The following BCAS3 variants were observed in gnomAD, a reference collection of about 807,000 sequenced individuals.
BCAS3 encodes BCAS3 microtubule associated cell migration factor.
Under a neutral mutation model 116.1 loss-of-function variants are expected in BCAS3, and 53 were observed. The ratio of observed to expected loss-of-function variants is 0.46; its 90% CI spans 0.37 to 0.57. The LOEUF (loss-of-function observed/expected upper bound fraction) is 0.57, where lower values mean the gene tolerates loss of function less well. Ranked by LOEUF, BCAS3 falls within the 20% of genes least tolerant of loss-of-function variation. The probability of loss-of-function intolerance (pLI) is 0.00; values close to 1 mark genes in which losing one functional copy is unlikely to be tolerated. For synonymous variants in BCAS3, 391 were observed against 408.2 expected (o/e 0.96, Z 0.51); for missense variants, 917 against 1,165.4 (o/e 0.79, Z 3.10).
intron 13 of BCAS3, among the ~76,000 whole-genome samples, chr17:60,935,832 C>A (rs560437957): frequency 6.6e-6 from 1 of 151,632 alleles, no homozygotes; most frequent in East Asian, 1.9e-4. Context: ...CTTTGAGCAC[C>A]CATTTAGCCA....
rs796111045 is a variant in BCAS3 at position 61,269,117 on chromosome 17, C to CT, written c.2426-99196dup. Among the ~76,000 whole-genome samples the CT allele has an allele frequency of 4.3e-3, 599 of 140,276 alleles. 1 individual carries two copies. The highest frequency in any genetic ancestry group is 0.011 in the African/African-American group (419 of 38,476). 92.0% of individuals were successfully genotyped at this position (140,276 alleles called of 152,430 possible). On this transcript the variant is annotated intron_variant, in intron 22 of 23. Coordinates refer to ENST00000407086, the MANE Select transcript of BCAS3 (RefSeq NM_017679.5). ...TCTCTTAGAAATTGTATTTTCTTTT[C>CT]TTTTTTTTTTTTTTGAAATGGAGTT...
chr17:60,739,894 T>TC (rs1478845529), intron 5 of BCAS3, among the ~76,000 whole-genome samples: 15 of 151,828 alleles, frequency 9.9e-5, no homozygotes, highest in African/African-American at 3.6e-4. Flanking sequence ...TTTTTTTTTT[T>TC]CCACACAACA....
intron 22 of BCAS3, among the ~76,000 whole-genome samples, chr17:61,234,919 G>A (rs1167843978): frequency 2.6e-5 from 4 of 151,354 alleles, no homozygotes; most frequent in Admixed American, 1.3e-4. Flanking sequence ...ACGGAGTCTC[G>A]CTCTGTCACC....
At chr17:60,813,176 G>A (rs2048995059) in intron 7 of BCAS3, among the ~76,000 whole-genome samples, 1 of 152,042 alleles carries the variant, frequency 6.6e-6, no homozygotes, top group Non-Finnish European at 1.5e-5. Flanking sequence ...TCATTATGGA[G>A]GGCATTCCTC....
At chr17:60,927,889 T>C (rs2059446086) in intron 13 of BCAS3, among the ~76,000 whole-genome samples, 1 of 152,210 alleles carries the variant, frequency 6.6e-6, no homozygotes, top group Non-Finnish European at 1.5e-5. Context: ...GCCCTTATAC[T>C]ACTTATATTT....
chr17:61,340,056 G>C (rs368837723), intron 22 of BCAS3, among the ~76,000 whole-genome samples: 2 of 152,070 alleles, frequency 1.3e-5, no homozygotes, highest in East Asian at 3.9e-4. Context: ...GTACAGAGAG[G>C]GGGCAAAGCC....
rs193151136 is a variant in BCAS3 at position 61,126,201 on chromosome 17, C to T, written c.2425+41637C>T. On this transcript the variant is annotated intron_variant, in intron 22 of 23. Coordinates refer to ENST00000407086, the MANE Select transcript of BCAS3 (RefSeq NM_017679.5). This position sits in a 1 kb window ranked among gnomAD's most constrained non-coding sequence, Gnocchi z 4.6. ...TTCCAAGGGTGAGAATTTTTCCTTG[C>T]CCGTTGTGAGCAGTTTAATTCATTA... is the stretch of plus-strand genomic sequence containing the variant. 6.6e-6 allele frequency among the ~76,000 whole-genome samples: 1 copy of T among 152,206 alleles called. No individual in the cohort carries two copies. Among genetic ancestry groups the T allele is most frequent in the Admixed American group, 6.5e-5 (1 of 15,288 alleles).
rs550219842 is a variant in BCAS3 at position 60,987,387 on chromosome 17, G to T, written c.1222-2584G>T. ...TCTATTTCTGTAAAGAATGTCATAG[G>T]TATTTTGATAGGGATTGCATTCAAT... is the stretch of plus-strand genomic sequence containing the variant. On this transcript the variant is annotated intron_variant, in intron 14 of 23. Coordinates refer to ENST00000407086, the MANE Select transcript of BCAS3 (RefSeq NM_017679.5). Among the ~76,000 whole-genome samples the T allele has an allele frequency of 1.1e-4, 17 of 151,432 alleles. No homozygotes were observed. The South Asian group carries it at 3.1e-3, about 28-fold the overall frequency.
chr17:61,065,964 T>C lies in BCAS3; in HGVS notation c.2030-8956T>C, dbSNP rs1048835920. The stretch of plus-strand genomic sequence containing the variant: ...GACTCTAAATTTCTATTTCTATATA[T>C]TCAGCCTATTATCATATTTTAAGTT... On this transcript the variant is annotated intron_variant, in intron 19 of 23. Coordinates refer to ENST00000407086, the MANE Select transcript of BCAS3 (RefSeq NM_017679.5). The surrounding 1 kb of genome is among the most constrained non-coding windows in gnomAD (Gnocchi z 4.8). Among the ~76,000 whole-genome samples, 2 of 152,214 alleles carry C rather than the reference T, an allele frequency of 1.3e-5. No individual in the cohort carries two copies. Among genetic ancestry groups the C allele is most frequent in the Non-Finnish European group, 2.9e-5 (2 of 68,026 alleles).
At chr17:60,907,845 A>G (rs1397693938) in intron 11 of BCAS3, among the ~76,000 whole-genome samples, 1 of 152,208 alleles carries the variant, frequency 6.6e-6, no homozygotes, top group Admixed American at 6.5e-5. Context: ...ACTAAAATTA[A>G]TTGGAGAGAC....
At chr17:60,861,131 T>C (rs2054122269) in intron 7 of BCAS3, among the ~76,000 whole-genome samples, 1 of 152,210 alleles carries the variant, frequency 6.6e-6, no homozygotes, top group South Asian at 2.1e-4. Flanking sequence ...GAGCATGGAA[T>C]GTTTTTCCAT....
intron 20 of BCAS3, among the ~76,000 whole-genome samples, chr17:61,075,418 G>A (rs924278564): frequency 7.2e-5 from 11 of 152,088 alleles, no homozygotes; most frequent in African/African-American, 1.9e-4. Flanking sequence ...GGTTTCAAGC[G>A]ATTCTCATGC....
chr17:60,998,472 A>G (rs1043881188), intron 15 of BCAS3, among the ~76,000 whole-genome samples: 1 of 152,210 alleles, frequency 6.6e-6, no homozygotes, highest in South Asian at 2.1e-4. Context: ...CCAACAGTGC[A>G]TAAGTATTCT....
At chr17:60,795,720 C>T (rs1184758570) in intron 6 of BCAS3, among the ~76,000 whole-genome samples, 3 of 152,052 alleles carry the variant, frequency 2.0e-5, no homozygotes, top group South Asian at 2.1e-4. Context: ...GGCGGAGTCT[C>T]GCTGTGTTGC....
At chr17:60,746,325 C>T (rs1410846399) in intron 5 of BCAS3, among the ~76,000 whole-genome samples, 1 of 152,096 alleles carries the variant, frequency 6.6e-6, no homozygotes, top group Non-Finnish European at 1.5e-5. Flanking sequence ...GAAAGCTATT[C>T]TTAACTATAA....
At chr17:60,801,656 T>A (rs1438027858) in intron 6 of BCAS3, among the ~76,000 whole-genome samples, 1 of 152,196 alleles carries the variant, frequency 6.6e-6, no homozygotes, top group Admixed American at 6.5e-5. Flanking sequence ...GAGCAACCAC[T>A]TGAATTCCCG....
rs189409154 is a variant in BCAS3 at position 61,044,800 on chromosome 17, T to C, written c.2029+3908T>C. On this transcript the variant is annotated intron_variant, in intron 19 of 23. Transcript: ENST00000407086. ...CCTTTTTTTTTTTTTTGAGATGGAGTCTTGCTCTGTTGCCAGGCTGGAGTG... is the reference window on the plus strand; with the variant it reads ...CCTTTTTTTTTTTTTTGAGATGGAGCCTTGCTCTGTTGCCAGGCTGGAGTG... Among the ~76,000 whole-genome samples, 841 of 148,500 alleles carry C rather than the reference T, an allele frequency of 5.7e-3. 9 individuals are homozygous for C. The highest frequency in any genetic ancestry group is 6.3e-3 in the Non-Finnish European group (422 of 67,120).
intron 7 of BCAS3, among the ~76,000 whole-genome samples, chr17:60,816,378 G>A (rs1027984476): frequency 1.3e-5 from 2 of 151,074 alleles, no homozygotes; most frequent in East Asian, 1.9e-4. Context: ...GGGTTCAAGC[G>A]ATTCTCCTGC....
chr17:60,920,260 TTAAAC>T (rs1222757583), intron 12 of BCAS3, among the ~76,000 whole-genome samples: 1 of 152,172 alleles, frequency 6.6e-6, no homozygotes, highest in Non-Finnish European at 1.5e-5. Flanking sequence ...TGATACCTGA[TTAAAC>T]TAAAGAGCTT....
Sources: gnomAD v4.1 joint callset for allele counts (sites outside exome capture counted in the v4.1 genomes callset) on GRCh38, gnomAD v4.1.1 for gene constraint, Gnocchi (gnomAD v3.1) non-coding constraint, MANE v1.5 for transcripts, NCBI Gene and HGNC (gene_info 2026-07-23, HGNC 2026-07-21) for gene names.